Variants in KCNJ6 observed in about 807,000 individuals in gnomAD.
KCNJ6 encodes potassium inwardly rectifying channel subfamily J member 6.
A neutral mutation model predicts 34.2 loss-of-function variants in KCNJ6; 9 were observed. That is an observed-to-expected ratio of 0.26 (90% CI 0.16 to 0.46). KCNJ6 has a LOEUF of 0.46. Among genes scored for constraint, KCNJ6 ranks in the 20% least tolerant of loss-of-function variants. The pLI, the probability that KCNJ6 is intolerant of heterozygous loss-of-function variation, is 1.00. For missense variants in KCNJ6, 236 were observed against 531.3 expected (o/e 0.44, Z 5.46); for synonymous variants, 196 against 207.1 (o/e 0.95, Z 0.46).
intron 2 of KCNJ6, among the ~76,000 whole-genome samples, chr21:37,731,024 A>G (rs2054881490): frequency 6.6e-6 from 1 of 152,096 alleles, no homozygotes; most frequent in Non-Finnish European, 1.5e-5. Context: ...GGGATAGGAG[A>G]TTGAACCCTC....
At chr21:37,786,191 G>T (rs2055191839) in intron 2 of KCNJ6, among the ~76,000 whole-genome samples, 1 of 152,220 alleles carries the variant, frequency 6.6e-6, no homozygotes, top group Non-Finnish European at 1.5e-5. Context: ...CCCTCCTGGT[G>T]ATATGATGCT....
chr21:37,666,341 A>C (rs2054513747), intron 3 of KCNJ6, among the ~76,000 whole-genome samples: 1 of 152,030 alleles, frequency 6.6e-6, no homozygotes, highest in Admixed American at 6.5e-5. Context: ...CACGGTTTGG[A>C]CTGGGTGACT....
At chr21:37,708,057 T>A (rs995537249) in intron 3 of KCNJ6, among the ~76,000 whole-genome samples, 1 of 152,192 alleles carries the variant, frequency 6.6e-6, no homozygotes, top group African/African-American at 2.4e-5. Context: ...CACTCACTTC[T>A]ATTGAGCATC....
In KCNJ6 at chr21:37,648,889, C is replaced by T. The variant is rs1044903008; in HGVS notation, c.947-23405G>A. Reference sequence around the variant, plus strand: ...GCTCATGCCTGTAATCCCAGCACTTCGGGAGGCTAAGGCGGGCAGATCACC... The same window carrying T: ...GCTCATGCCTGTAATCCCAGCACTTTGGGAGGCTAAGGCGGGCAGATCACC... On this transcript the variant is annotated intron_variant, in intron 3 of 3. Transcript: ENST00000609713. Among the ~76,000 whole-genome samples the T allele has an allele frequency of 3.9e-5, 6 of 151,960 alleles. No individual in the cohort carries two copies. In the East Asian group the frequency reaches 7.8e-4, roughly 20 times the overall value.
At chr21:37,720,181 T>G (rs960904957) in intron 2 of KCNJ6, among the ~76,000 whole-genome samples, 1 of 152,144 alleles carries the variant, frequency 6.6e-6, no homozygotes, top group Non-Finnish European at 1.5e-5. Flanking sequence ...TATATTACTT[T>G]TATAATTAAA....
At position 37,675,123 on chromosome 21, in the gene KCNJ6, T is replaced by G. The variant is rs941130342; in HGVS notation, c.946+39088A>C. Among the ~76,000 whole-genome samples, 1 of 152,226 alleles carries G rather than the reference T, an allele frequency of 6.6e-6. No individual in the cohort carries two copies. On this transcript the variant is annotated intron_variant, in intron 3 of 3. Transcript: ENST00000609713. This position sits in a 1 kb window ranked among gnomAD's most constrained non-coding sequence, Gnocchi z 4.2. ...CACTTTCTAAGTGTCTCCTTTGGAC[T>G]GGGCCCTTGAGCCATGAGCTTTCTT... is the stretch of plus-strand genomic sequence containing the variant.
At chr21:37,802,558 A>C (rs2055274289) in intron 2 of KCNJ6, among the ~76,000 whole-genome samples, 1 of 152,152 alleles carries the variant, frequency 6.6e-6, no homozygotes, top group Non-Finnish European at 1.5e-5. Flanking sequence ...TCAGGTCAGG[A>C]GCCACCTCTA....
At chr21:37,779,433 C>T (rs1229767395) in intron 2 of KCNJ6, among the ~76,000 whole-genome samples, 1 of 152,110 alleles carries the variant, frequency 6.6e-6, no homozygotes, top group Non-Finnish European at 1.5e-5. Flanking sequence ...GTTAATCAGC[C>T]CTTGGGGGGA....
intron 2 of KCNJ6, among the ~76,000 whole-genome samples, chr21:37,812,192 C>T (rs1568857625): frequency 6.6e-6 from 1 of 152,106 alleles, no homozygotes; most frequent in Non-Finnish European, 1.5e-5. Flanking sequence ...AGTCCTGTTA[C>T]CCTAGTGTTT....
chr21:37,761,606 T>C (rs1267885490), intron 2 of KCNJ6, among the ~76,000 whole-genome samples: 1 of 149,364 alleles, frequency 6.7e-6, no homozygotes, highest in African/African-American at 2.5e-5. Context: ...GTGTTGTGTG[T>C]ATGTAGTATT....
At chr21:37,799,752 C>T (rs1458688551) in intron 2 of KCNJ6, among the ~76,000 whole-genome samples, 1 of 152,178 alleles carries the variant, frequency 6.6e-6, no homozygotes, top group Non-Finnish European at 1.5e-5. Context: ...AGAAGCCTCA[C>T]TGATTATCCT....
At chr21:37,904,128 C>T (rs564623675) in intron 1 of KCNJ6, among the ~76,000 whole-genome samples, 1 of 152,272 alleles carries the variant, frequency 6.6e-6, no homozygotes, top group African/African-American at 2.4e-5. Context: ...CTATTAGCTG[C>T]TCTAAAGTCC....
intron 3 of KCNJ6, among the ~76,000 whole-genome samples, chr21:37,634,955 C>T (rs2054350917): frequency 1.3e-5 from 2 of 151,952 alleles, no homozygotes; most frequent in South Asian, 2.1e-4. Context: ...ATGGGTTTCG[C>T]CATGTTGGCC....
intron 2 of KCNJ6, among the ~76,000 whole-genome samples, chr21:37,768,757 C>T (rs532604286): frequency 7.9e-5 from 12 of 152,178 alleles, no homozygotes; most frequent in Non-Finnish European, 1.6e-4. Flanking sequence ...ATGAAGTTGG[C>T]CTGGAATTTA....
Position 37,607,482 on chromosome 21 carries a change from A to ATATTTTTTT in KCNJ6, c.*17676_*17677insAAAAAAATA. On this transcript the variant is annotated 3_prime_UTR_variant, in exon 4 of 4. Coordinates refer to ENST00000609713, the MANE Select transcript of KCNJ6 (RefSeq NM_002240.5). ...CTTAAAGATATATATATATATATATATTTTTTTTTTATTTTAAAAAAATTT... is the reference window on the plus strand; with the variant it reads ...CTTAAAGATATATATATATATATATATATTTTTTTTTTTTTTTTTATTTTAAAAAAATTT... 3 of 136,764 alleles carry ATATTTTTTT rather than the reference A, an allele frequency of 2.2e-5. No individual in the cohort carries two copies. Among genetic ancestry groups the ATATTTTTTT allele is most frequent in the South Asian group, 2.4e-4 (1 of 4,158 alleles). The allele number at this position is 136,764 out of a possible 1,614,324, so 8.5% of individuals were successfully genotyped here. A position where few individuals can be genotyped will look rare whatever the true frequency, so the allele number is the denominator to read the frequency against.
intron 2 of KCNJ6, among the ~76,000 whole-genome samples, chr21:37,725,374 T>C (rs11909172): frequency 0.27 from 41,279 of 151,978 alleles, 5,807 homozygotes; most frequent in East Asian, 0.5. Context: ...GCCTGGGCAA[T>C]AGAGCAAGAC....
At position 37,677,562 on chromosome 21, in the gene KCNJ6, C is replaced by T. The variant is rs2054570290; in HGVS notation, c.946+36649G>A. On this transcript the variant is annotated intron_variant, in intron 3 of 3. Transcript: ENST00000609713. Reference sequence around the variant, plus strand: ...TATTTGAAATTTATGCTTTATGTTTCATATGAGTTCATCATGATGGGGCTG... The same window carrying T: ...TATTTGAAATTTATGCTTTATGTTTTATATGAGTTCATCATGATGGGGCTG... Among the ~76,000 whole-genome samples the T allele has an allele frequency of 2.0e-5, 3 of 151,930 alleles. No homozygotes were observed. The South Asian group carries it at 6.2e-4, about 32-fold the overall frequency.
intron 2 of KCNJ6, among the ~76,000 whole-genome samples, chr21:37,786,250 A>C (rs151299879): frequency 3.1e-4 from 47 of 152,356 alleles, no homozygotes; most frequent in African/African-American, 1.1e-3. Flanking sequence ...TAAACTAGAA[A>C]TATGAGCTTC....
At chr21:37,889,422 G>A (rs1326765522) in intron 1 of KCNJ6, among the ~76,000 whole-genome samples, 1 of 152,078 alleles carries the variant, frequency 6.6e-6, no homozygotes, top group Non-Finnish European at 1.5e-5. Context: ...AGGAGGTGAC[G>A]GCAGAAGAAC....
Sources: allele counts gnomAD v4.1 joint callset (sites outside exome capture counted in the v4.1 genomes callset), GRCh38; gene constraint gnomAD v4.1.1; non-coding constraint Gnocchi (gnomAD v3.1); transcripts MANE v1.5; gene names NCBI Gene and HGNC (gene_info 2026-07-23, HGNC 2026-07-21).